The following SKIC3 variants were observed in gnomAD, a reference collection of about 807,000 sequenced individuals.
The protein encoded by SKIC3 is superkiller complex protein 3.
the SKIC3 span, among the ~76,000 whole-genome samples, chr5:95,470,866 T>C: frequency 2.0e-5 from 3 of 152,080 alleles, no homozygotes; most frequent in African/African-American, 7.2e-5. Context: ...GATGAACACT[T>C]TACTGAATTA....
At chr5:95,530,586 C>T in the SKIC3 span, among the ~76,000 whole-genome samples, 1 of 152,102 alleles carries the variant, frequency 6.6e-6, no homozygotes, top group Non-Finnish European at 1.5e-5. Flanking sequence ...TCCTCAAGTT[C>T]TCTTCCTGGG....
chr5:95,484,824 T>C, the SKIC3 span: 1 of 1,614,124 alleles, frequency 6.2e-7, no homozygotes. Flanking sequence ...GTTGTAATTT[T>C]CAAAGAATTT....
chr5:95,491,001 A>C, the SKIC3 span: 3 of 1,614,128 alleles, frequency 1.9e-6, no homozygotes, highest in Non-Finnish European at 2.5e-6. Context: ...TCAGCGTGAC[A>C]GGCTGCCATT....
chr5:95,482,189 T>C, the SKIC3 span, among the ~76,000 whole-genome samples: 1 of 152,226 alleles, frequency 6.6e-6, no homozygotes, highest in Non-Finnish European at 1.5e-5. Context: ...AAAATGTCTA[T>C]AACATATCAA....
the SKIC3 span, among the ~76,000 whole-genome samples, chr5:95,531,225 G>C: frequency 6.6e-6 from 1 of 152,210 alleles, no homozygotes; most frequent in South Asian, 2.1e-4. Context: ...GCAAACCAAT[G>C]TATAATCCAT....
the SKIC3 span, among the ~76,000 whole-genome samples, chr5:95,500,454 CTTG>C: frequency 6.6e-6 from 1 of 152,112 alleles, no homozygotes; most frequent in Non-Finnish European, 1.5e-5. Context: ...TCGTTAGTTC[CTTG>C]TTGTATCCCC....
At chr5:95,521,924 T>C in the SKIC3 span, 1 of 1,108,500 alleles carries the variant, frequency 9.0e-7, no homozygotes, top group Non-Finnish European at 1.3e-6. Context: ...TGTAAGAGGT[T>C]CATATGGATG....
the SKIC3 span, among the ~76,000 whole-genome samples, chr5:95,487,172 C>T: frequency 6.6e-6 from 1 of 152,156 alleles, no homozygotes; most frequent in African/African-American, 2.4e-5. Flanking sequence ...TGGATGCTTC[C>T]TGCCCTCAAA....
At chr5:95,478,426 T>C in the SKIC3 span, 1 of 1,613,888 alleles carries the variant, frequency 6.2e-7, no homozygotes, top group Non-Finnish European at 8.5e-7. Flanking sequence ...TTGGGATTGA[T>C]ACACATGTGC....
the SKIC3 span, chr5:95,513,381 T>G: frequency 7.6e-6 from 4 of 529,456 alleles, no homozygotes; most frequent in Admixed American, 3.2e-5. Context: ...TTTTTAATTT[T>G]TTTTTTTAAG....
the SKIC3 span, among the ~76,000 whole-genome samples, chr5:95,480,958 G>T: frequency 1.3e-5 from 2 of 152,042 alleles, no homozygotes; most frequent in African/African-American, 4.8e-5. Flanking sequence ...GGGGTGGGGG[G>T]AGTCAAGCAA....
chr5:95,524,650 G>A, the SKIC3 span: 15 of 1,601,478 alleles, frequency 9.4e-6, no homozygotes, highest in Admixed American at 8.4e-5. Context: ...ACACCCACAC[G>A]CAATATAGGA....
the SKIC3 span, chr5:95,467,947 C>A: frequency 1.2e-6 from 2 of 1,613,564 alleles, no homozygotes; most frequent in East Asian, 4.5e-5. Context: ...ATTTGGGATA[C>A]CCAGGCTGAT....
the SKIC3 span, among the ~76,000 whole-genome samples, chr5:95,490,362 C>A: frequency 6.7e-6 from 1 of 149,774 alleles, no homozygotes; most frequent in Non-Finnish European, 1.5e-5. Context: ...GCTTATCACA[C>A]TTCTGTACAA....
At chr5:95,538,405 A>C in the SKIC3 span, among the ~76,000 whole-genome samples, 1 of 152,150 alleles carries the variant, frequency 6.6e-6, no homozygotes, top group South Asian at 2.1e-4. Flanking sequence ...CCCAGCTCTT[A>C]GGACCCTGCC....
the SKIC3 span, among the ~76,000 whole-genome samples, chr5:95,540,376 A>G: frequency 4.7e-4 from 71 of 152,216 alleles, no homozygotes; most frequent in African/African-American, 1.7e-3. Context: ...TGATGGGTGC[A>G]CCAAAATCTC....
chr5:95,476,785 G>A, the SKIC3 span, among the ~76,000 whole-genome samples: 3 of 152,104 alleles, frequency 2.0e-5, no homozygotes, highest in South Asian at 6.2e-4. Context: ...AGGTGGGGTG[G>A]GGGATTCAGG....
the SKIC3 span, chr5:95,524,345 T>C: frequency 1.4e-6 from 2 of 1,408,486 alleles, no homozygotes; most frequent in East Asian, 2.5e-5. Context: ...ACCTGACATA[T>C]GAAAGATAAA....
At chr5:95,524,323 C>T in the SKIC3 span, 38 of 1,242,136 alleles carry the variant, frequency 3.1e-5, no homozygotes, top group Non-Finnish European at 4.0e-5. Context: ...ACCCATATAA[C>T]ACCATCACAA....
Sources: gnomAD v4.1 joint callset for allele counts (sites outside exome capture counted in the v4.1 genomes callset) on GRCh38, gnomAD v4.1.1 for gene constraint, MANE v1.5 for transcripts, NCBI Gene and HGNC (gene_info 2026-07-23, HGNC 2026-07-21) for gene names.